VTI1A: variants seen among roughly 807,000 people sequenced by gnomAD.
VTI1A encodes the protein vesicle transport through interaction with t-SNAREs homolog 1A.
VTI1A carries 22 observed loss-of-function variants against 34.9 expected under a neutral mutation model. The observed-to-expected ratio is 0.63, with a 90% CI of 0.45 to 0.90. The LOEUF (loss-of-function observed/expected upper bound fraction) is 0.90. Ranked by LOEUF, VTI1A falls within the 40% of genes least tolerant of loss-of-function variation. The probability of loss-of-function intolerance (pLI) is 0.00; values close to 1 mark genes in which losing one functional copy is unlikely to be tolerated. For missense variants in VTI1A, 268 were observed against 275.6 expected (o/e 0.97, Z 0.20); for synonymous variants, 87 against 97.3 (o/e 0.89, Z 0.62).
chr10:112,853,380 T>C, the VTI1A span, among the ~76,000 whole-genome samples: 13 of 152,200 alleles, frequency 8.5e-5, no homozygotes, highest in African/African-American at 2.9e-4. Context: ...CAGGGTCTGA[T>C]AGTGGGCAAG....
At chr10:112,707,732 C>T (rs1267458297) in intron 7 of VTI1A, among the ~76,000 whole-genome samples, 1 of 152,098 alleles carries the variant, frequency 6.6e-6, no homozygotes, top group Non-Finnish European at 1.5e-5. Context: ...GTTTTCCAGA[C>T]CTGTCTCTGA....
chr10:112,517,346 C>T (rs185648743), intron 3 of VTI1A, among the ~76,000 whole-genome samples: 14 of 151,876 alleles, frequency 9.2e-5, no homozygotes, highest in African/African-American at 2.9e-4. Context: ...TAGTATTGGA[C>T]GATAACCCAG....
chr10:112,483,343 CACG>C (rs1258003236), intron 3 of VTI1A, among the ~76,000 whole-genome samples: 1 of 152,092 alleles, frequency 6.6e-6, no homozygotes, highest in African/African-American at 2.4e-5. Flanking sequence ...AGGAAGATTG[CACG>C]ACAATGAATA....
chr10:112,573,365 A>C (rs941806640), intron 5 of VTI1A, among the ~76,000 whole-genome samples: 11 of 152,190 alleles, frequency 7.2e-5, no homozygotes, highest in Admixed American at 1.3e-4. Flanking sequence ...CCCTGCACTT[A>C]AATGTTCTGC....
chr10:112,519,539 T>A (rs1849933588), intron 3 of VTI1A, among the ~76,000 whole-genome samples: 1 of 152,086 alleles, frequency 6.6e-6, no homozygotes, highest in Non-Finnish European at 1.5e-5. Context: ...AACAAAACCT[T>A]TAGACTAATT....
At chr10:112,463,440 G>C (rs887136222) in intron 2 of VTI1A, among the ~76,000 whole-genome samples, 8 of 152,090 alleles carry the variant, frequency 5.3e-5, no homozygotes. Context: ...TTGTAAGTGA[G>C]AAAACTAAGG....
At chr10:112,852,867 C>A in the VTI1A span, among the ~76,000 whole-genome samples, 1 of 152,156 alleles carries the variant, frequency 6.6e-6, no homozygotes, top group Non-Finnish European at 1.5e-5. Context: ...CAACCTCCAC[C>A]TCCCAGGTTC....
At chr10:112,665,655 G>A (rs1472659195) in intron 5 of VTI1A, among the ~76,000 whole-genome samples, 3 of 152,102 alleles carry the variant, frequency 2.0e-5, no homozygotes, top group Non-Finnish European at 4.4e-5. Context: ...GCAGACTGTA[G>A]GTCCACTCAG....
intron 5 of VTI1A, among the ~76,000 whole-genome samples, chr10:112,589,977 TG>T (rs1433677892): frequency 2.0e-5 from 3 of 152,206 alleles, no homozygotes; most frequent in African/African-American, 7.2e-5. Context: ...AGATTTAATT[TG>T]TATAGGGTTT....
chr10:112,746,399 T>A (rs770299731), intron 7 of VTI1A, among the ~76,000 whole-genome samples: 43 of 152,296 alleles, frequency 2.8e-4, no homozygotes, highest in Non-Finnish European at 5.1e-4. Context: ...CGACCCTGCT[T>A]TCAGTGCCCT....
intron 5 of VTI1A, among the ~76,000 whole-genome samples, chr10:112,541,933 G>A (rs952423363): frequency 4.6e-5 from 7 of 152,214 alleles, no homozygotes; most frequent in Non-Finnish European, 1.0e-4. Flanking sequence ...CCATTGGCTT[G>A]ATCCAGTGTG....
intron 7 of VTI1A, among the ~76,000 whole-genome samples, chr10:112,776,634 A>G (rs2134030213): frequency 6.6e-6 from 1 of 151,262 alleles, no homozygotes; most frequent in Admixed American, 6.6e-5. Context: ...AAGCCACATT[A>G]TTATAATTTT....
chr10:112,737,034 A>AC, intron 7 of VTI1A: 2 of 499,384 alleles, frequency 4.0e-6, no homozygotes, highest in Non-Finnish European at 7.1e-6. Flanking sequence ...CAAGGGAGAA[A>AC]CCCATTACAT....
chr10:112,771,308 G>A (rs1390323074), intron 7 of VTI1A, among the ~76,000 whole-genome samples: 2 of 152,256 alleles, frequency 1.3e-5, no homozygotes, highest in Non-Finnish European at 2.9e-5. Flanking sequence ...GGCAGCATGT[G>A]CCCAGAAATG....
intron 7 of VTI1A, among the ~76,000 whole-genome samples, chr10:112,723,801 G>T (rs1849903698): frequency 6.6e-6 from 1 of 152,214 alleles, no homozygotes; most frequent in South Asian, 2.1e-4. Flanking sequence ...ATTTGAAGTT[G>T]CTCTAGTCAC....
chr10:112,470,527 G>A (rs1848040505), intron 3 of VTI1A, among the ~76,000 whole-genome samples: 1 of 152,192 alleles, frequency 6.6e-6, no homozygotes, highest in South Asian at 2.1e-4. Flanking sequence ...TTGGAGCCTG[G>A]CAGGCAGCAG....
At chr10:112,605,294 T>C (rs1034545040) in intron 5 of VTI1A, among the ~76,000 whole-genome samples, 3 of 152,040 alleles carry the variant, frequency 2.0e-5, no homozygotes, top group Non-Finnish European at 2.9e-5. Flanking sequence ...TCTGGGGAAG[T>C]TGAACCACAC....
intron 3 of VTI1A, among the ~76,000 whole-genome samples, chr10:112,472,895 T>A (rs1564790989): frequency 6.6e-6 from 1 of 152,082 alleles, no homozygotes; most frequent in Non-Finnish European, 1.5e-5. Flanking sequence ...CCTGCTACTT[T>A]AAAAAATTAC....
chr10:112,811,615 C>T lies in VTI1A; in HGVS notation c.561-3675C>T, dbSNP rs1370472224. 4.6e-5 allele frequency among the ~76,000 whole-genome samples: 6 copies of T among 131,396 alleles called. No individual in the cohort carries two copies. In the East Asian group the frequency reaches 1.5e-3, roughly 33 times the overall value. 86.2% of individuals were successfully genotyped at this position (131,396 alleles called of 152,430 possible). A position where few individuals can be genotyped will look rare whatever the true frequency, so the allele number is the denominator to read the frequency against. On this transcript the variant is annotated intron_variant, in intron 7 of 7. Coordinates refer to ENST00000393077, the MANE Select transcript of VTI1A (RefSeq NM_145206.4). ...GGGAGAATGGCGTGAGCCCGGGAGG[C>T]GGAGCTTGCAGTGAGCCGAGATTGC...
Sources: allele counts gnomAD v4.1 joint callset (sites outside exome capture counted in the v4.1 genomes callset), GRCh38; gene constraint gnomAD v4.1.1; transcripts MANE v1.5; gene names NCBI Gene and HGNC (gene_info 2026-07-23, HGNC 2026-07-21).